ROBO2: variants seen among roughly 807,000 people sequenced by gnomAD.
ROBO2 encodes the protein roundabout guidance receptor 2.
Under a neutral mutation model 160.8 loss-of-function variants are expected in ROBO2, and 53 were observed. That is an observed-to-expected ratio of 0.33 (90% CI 0.26 to 0.41). The LOEUF (loss-of-function observed/expected upper bound fraction) is 0.41. Among genes scored for constraint, ROBO2 ranks in the 10% least tolerant of loss-of-function variants. The probability of loss-of-function intolerance (pLI) is 1.00; values close to 1 mark genes in which losing one functional copy is unlikely to be tolerated. For missense variants in ROBO2, 1,577 were observed against 1,722.4 expected, an observed-to-expected ratio of 0.92 and a Z score of 1.49; for synonymous variants, 664 against 611.7, an observed-to-expected ratio of 1.09 and a Z score of -1.26.
At chr3:76,522,076 A>C (rs1009564503) in intron 2 of ROBO2, among the ~76,000 whole-genome samples, 1 of 152,186 alleles carries the variant, frequency 6.6e-6, no homozygotes, top group Non-Finnish European at 1.5e-5. Context: ...TGGTAATAAT[A>C]CAGACAACGC....
intron 2 of ROBO2, among the ~76,000 whole-genome samples, chr3:77,187,800 G>A (rs1425243928): frequency 6.6e-6 from 1 of 151,792 alleles, no homozygotes; most frequent in African/African-American, 2.4e-5. Flanking sequence ...TGAATGTATA[G>A]AAGTATAATT....
chr3:76,591,530 T>A (rs998784631), intron 2 of ROBO2, among the ~76,000 whole-genome samples: 6 of 152,140 alleles, frequency 3.9e-5, no homozygotes, highest in Non-Finnish European at 8.8e-5. Context: ...ATTTTTCCTG[T>A]CCAATAATAC....
intron 2 of ROBO2, among the ~76,000 whole-genome samples, chr3:76,587,733 T>C (rs2086143705): frequency 6.6e-6 from 1 of 152,180 alleles, no homozygotes; most frequent in Admixed American, 6.5e-5. Flanking sequence ...ACTAACTTTT[T>C]AAAAACCTGA....
At chr3:77,542,872 TC>T in intron 6 of ROBO2, among the ~76,000 whole-genome samples, 2 of 152,184 alleles carry the variant, frequency 1.3e-5, no homozygotes, top group South Asian at 4.1e-4. Context: ...TCTGATTATA[TC>T]TTTCTTACAA....
intron 2 of ROBO2, among the ~76,000 whole-genome samples, chr3:76,291,602 G>C (rs999030425): frequency 6.6e-6 from 1 of 151,978 alleles, no homozygotes; most frequent in Non-Finnish European, 1.5e-5. Flanking sequence ...AGTTCTTCTA[G>C]AGGCGATGTT....
intron 2 of ROBO2, among the ~76,000 whole-genome samples, chr3:76,251,324 G>A (rs1396642603): frequency 6.6e-6 from 1 of 152,032 alleles, no homozygotes; most frequent in Non-Finnish European, 1.5e-5. Context: ...TGAAATGAAA[G>A]AGCCAGATGT....
At chr3:76,132,664 T>C (rs899723698) in intron 2 of ROBO2, among the ~76,000 whole-genome samples, 30 of 152,174 alleles carry the variant, frequency 2.0e-4, no homozygotes, top group African/African-American at 6.8e-4. Flanking sequence ...TCCCTGGCTT[T>C]AGGCCTTCTT....
intron 2 of ROBO2, among the ~76,000 whole-genome samples, chr3:77,185,617 C>A (rs540333778): frequency 2.0e-5 from 3 of 151,966 alleles, no homozygotes; most frequent in South Asian, 2.1e-4. Flanking sequence ...CCTTAAAGAA[C>A]TAAAAGTAGA....
chr3:76,379,896 G>T (rs1299834772), intron 2 of ROBO2, among the ~76,000 whole-genome samples: 1 of 152,090 alleles, frequency 6.6e-6, no homozygotes, highest in Non-Finnish European at 1.5e-5. Flanking sequence ...CTGATTTAAA[G>T]ACAATGATTA....
Position 76,640,596 on chromosome 3 carries a change from A to T in ROBO2, c.110-457418A>T, listed in dbSNP as rs7428449. Among the ~76,000 whole-genome samples the T allele has an allele frequency of 1.6e-3, 240 of 147,140 alleles. 1 individual carries two copies. The highest frequency in any genetic ancestry group is 4.9e-3 in the African/African-American group (193 of 39,364). On this transcript the variant is annotated intron_variant, in intron 2 of 26. Transcript: ENST00000487694. ...AAATATCAATGCGTGTTTGCGTGTG[A>T]GTGTGTGTGTGTGTGTGTGTGTGTG... is the stretch of plus-strand genomic sequence containing the variant.
chr3:77,194,502 T>C (rs11918332), intron 2 of ROBO2, among the ~76,000 whole-genome samples: 1,925 of 152,314 alleles, frequency 0.013, 38 homozygotes, highest in African/African-American at 0.043. Flanking sequence ...AGATTTATTT[T>C]AGTGACTGCA....
chr3:76,612,296 T>G lies in ROBO2; in HGVS notation c.110-485718T>G, dbSNP rs1475915400. ...TTGGGTCTATAGCGCAGATTAAATCTGATGCTTCTTTGTTGATTTTCTATC... is the reference window on the plus strand; with the variant it reads ...TTGGGTCTATAGCGCAGATTAAATCGGATGCTTCTTTGTTGATTTTCTATC... On this transcript the variant is annotated intron_variant, in intron 2 of 26. Coordinates refer to the ROBO2 transcript ENST00000487694. Among the ~76,000 whole-genome samples the G allele has an allele frequency of 5.9e-5, 9 of 152,236 alleles. No individual in the cohort carries two copies. In the East Asian group the frequency reaches 1.7e-3, roughly 29 times the overall value.
At chr3:76,381,917 T>C (rs1410173519) in intron 2 of ROBO2, among the ~76,000 whole-genome samples, 1 of 152,188 alleles carries the variant, frequency 6.6e-6, no homozygotes, top group Admixed American at 6.5e-5. Flanking sequence ...CTAGTCTATG[T>C]CTCTAATTCA....
intron 2 of ROBO2, among the ~76,000 whole-genome samples, chr3:76,864,924 G>A (rs1157852460): frequency 3.3e-5 from 5 of 151,902 alleles, no homozygotes; most frequent in African/African-American, 1.2e-4. Flanking sequence ...TTTTTTGAAG[G>A]TCAAGACAAA....
chr3:76,870,186 G>C (rs1451476974), intron 2 of ROBO2, among the ~76,000 whole-genome samples: 1 of 152,162 alleles, frequency 6.6e-6, no homozygotes, highest in Non-Finnish European at 1.5e-5. Context: ...TGTTTGAGTT[G>C]TAATAATCCC....
Position 76,984,548 on chromosome 3 carries a change from G to A in ROBO2, c.110-113466G>A, listed in dbSNP as rs372919393. 4.1e-4 allele frequency among the ~76,000 whole-genome samples: 62 copies of A among 152,252 alleles called. No homozygotes were observed. The East Asian group carries it at 4.3e-3, about 10-fold the overall frequency. On this transcript the variant is annotated intron_variant, in intron 2 of 26. Coordinates refer to the ROBO2 transcript ENST00000487694. ...CGATTTGGTTCCAGGGGAGATAGAA[G>A]CAGTTACCGAAATCCAGATGAGGGT...
intron 2 of ROBO2, among the ~76,000 whole-genome samples, chr3:76,225,388 A>G (rs111301800): frequency 1.3e-5 from 2 of 152,184 alleles, no homozygotes; most frequent in Admixed American, 1.3e-4. Flanking sequence ...ATTAAATTGT[A>G]TTCTTAGCTG....
intron 2 of ROBO2, among the ~76,000 whole-genome samples, chr3:76,831,328 C>A (rs1405652093): frequency 1.3e-5 from 2 of 151,878 alleles, no homozygotes; most frequent in Admixed American, 6.6e-5. Context: ...ATGGTAAGTC[C>A]CCTTATCTAC....
At chr3:77,309,417 A>T (rs192118899) in intron 2 of ROBO2, among the ~76,000 whole-genome samples, 1 of 152,212 alleles carries the variant, frequency 6.6e-6, no homozygotes, top group Non-Finnish European at 1.5e-5. Flanking sequence ...TGGTGTTTTC[A>T]TCTGGAGGGA....
Sources: allele counts gnomAD v4.1 joint callset (sites outside exome capture counted in the v4.1 genomes callset), GRCh38; gene constraint gnomAD v4.1.1; transcripts MANE v1.5; gene names NCBI Gene and HGNC (gene_info 2026-07-23, HGNC 2026-07-21).